Variants in PPP2R5E observed in about 807,000 individuals in gnomAD.
PPP2R5E encodes the protein serine/threonine-protein phosphatase 2A 56 kDa regulatory subunit epsilon isoform.
A neutral mutation model predicts 65.3 loss-of-function variants in PPP2R5E; 4 were observed. The observed-to-expected ratio is 0.06, with a 90% CI of 0.03 to 0.14. The LOEUF (loss-of-function observed/expected upper bound fraction) is 0.14, where lower values mean the gene tolerates loss of function less well. Among genes scored for constraint, PPP2R5E ranks in the 10% least tolerant of loss-of-function variants. The pLI is 1.00. For missense variants in PPP2R5E, 274 were observed against 556.1 expected, an observed-to-expected ratio of 0.49 and a Z score of 5.10; for synonymous variants, 183 against 187.4, an observed-to-expected ratio of 0.98 and a Z score of 0.19.
chr14:63,523,367 A>C (rs1041249645), intron 2 of PPP2R5E, among the ~76,000 whole-genome samples: 1 of 152,166 alleles, frequency 6.6e-6, no homozygotes, highest in Non-Finnish European at 1.5e-5. Context: ...TGTACTAAGA[A>C]AAATTCTTCT....
intron 3 of PPP2R5E, among the ~76,000 whole-genome samples, chr14:63,436,558 C>A (rs193148666): frequency 1.0e-3 from 154 of 152,284 alleles, no homozygotes; most frequent in African/African-American, 3.5e-3. Context: ...TAACCATAAC[C>A]ATATAACCAT....
chr14:63,414,921 T>C (rs1886615654), intron 5 of PPP2R5E, among the ~76,000 whole-genome samples: 1 of 152,194 alleles, frequency 6.6e-6, no homozygotes, highest in Non-Finnish European at 1.5e-5. Flanking sequence ...TTAGCATTCC[T>C]GGCTATTTAA....
chr14:63,440,325 A>G (rs1211285008), intron 3 of PPP2R5E, among the ~76,000 whole-genome samples: 1 of 152,122 alleles, frequency 6.6e-6, no homozygotes, highest in African/African-American at 2.4e-5. Flanking sequence ...AGCGTTAACA[A>G]TTCAAGAATA....
At chr14:63,537,439 C>A (rs1249476684) in intron 2 of PPP2R5E, among the ~76,000 whole-genome samples, 1 of 152,130 alleles carries the variant, frequency 6.6e-6, no homozygotes, top group African/African-American at 2.4e-5. Flanking sequence ...TTTTTACCAG[C>A]AAAATCTCTA....
intron 3 of PPP2R5E, among the ~76,000 whole-genome samples, chr14:63,430,890 T>A (rs941290974): frequency 6.6e-6 from 1 of 152,222 alleles, no homozygotes; most frequent in African/African-American, 2.4e-5. Flanking sequence ...AGTCTTTTTT[T>A]AAACCTTGTC....
chr14:63,397,130 T>C (rs1310524110), intron 5 of PPP2R5E, among the ~76,000 whole-genome samples: 2 of 152,182 alleles, frequency 1.3e-5, no homozygotes, highest in Admixed American at 1.3e-4. Flanking sequence ...AGCTAGAATT[T>C]GAACCCCAGC....
rs59233099 is a variant in PPP2R5E, at chr14:63,414,684, C to T, written c.549+456G>A. ...AATGTTAAGCTATGCTATTTTCTAG[C>T]AGTGAAATCTCATCAGTACCCTGAC... is the stretch of plus-strand genomic sequence containing the variant. On this transcript the variant is annotated intron_variant, in intron 5 of 13. Transcript: ENST00000337537. 2.9e-3 allele frequency among the ~76,000 whole-genome samples: 444 copies of T among 152,248 alleles called. 1 individual carries two copies. Among genetic ancestry groups the T allele is most frequent in the African/African-American group, 0.01 (418 of 41,544 alleles).
chr14:63,523,147 G>A (rs952613960), intron 2 of PPP2R5E, among the ~76,000 whole-genome samples: 74 of 150,208 alleles, frequency 4.9e-4, no homozygotes, highest in African/African-American at 1.5e-3. Flanking sequence ...GCCTCTGCCC[G>A]GCCGCCCCTA....
intron 2 of PPP2R5E, among the ~76,000 whole-genome samples, chr14:63,493,210 G>GT (rs398057162): frequency 0.034 from 4,849 of 143,496 alleles, 251 homozygotes; most frequent in African/African-American, 0.11. Context: ...TTGGTGGGTT[G>GT]TTTTTTTTTT....
At chr14:63,383,421 A>T (rs1358553594) in intron 12 of PPP2R5E, among the ~76,000 whole-genome samples, 3 of 152,176 alleles carry the variant, frequency 2.0e-5, no homozygotes, top group African/African-American at 7.2e-5. Flanking sequence ...AAGGTTCCAG[A>T]ATGACCTTCC....
intron 4 of PPP2R5E, among the ~76,000 whole-genome samples, chr14:63,415,660 A>C (rs916627074): frequency 6.6e-6 from 1 of 152,180 alleles, no homozygotes; most frequent in African/African-American, 2.4e-5. Context: ...TTTACCATTT[A>C]AACAATGTAT....
At chr14:63,382,207 G>T (rs1399129364) in intron 12 of PPP2R5E, 50 bp from the exon 13 acceptor site, 4 of 1,424,470 alleles carry the variant, frequency 2.8e-6, no homozygotes, top group Non-Finnish European at 3.9e-6. Context: ...TATAAAATGG[G>T]ATACTGAATG....
At chr14:63,500,621 C>T (rs974607027) in intron 2 of PPP2R5E, among the ~76,000 whole-genome samples, 16 of 152,050 alleles carry the variant, frequency 1.1e-4, no homozygotes, top group Admixed American at 2.6e-4. Context: ...TGGGAGGCCA[C>T]GGCAAGAGGA....
intron 2 of PPP2R5E, among the ~76,000 whole-genome samples, chr14:63,470,462 T>TAA (rs768569021): frequency 4.4e-5 from 6 of 135,956 alleles, no homozygotes; most frequent in Admixed American, 7.4e-5. Flanking sequence ...TCCATAAGTT[T>TAA]AAAAAAAAAA....
chr14:63,384,597 TAA>T (rs1162451791), intron 11 of PPP2R5E, 26 bp from the exon 12 acceptor site: 6 of 1,561,740 alleles, frequency 3.8e-6, no homozygotes, highest in Non-Finnish European at 4.3e-6. Context: ...AATAAAATGT[TAA>T]GAGAGAGAAA....
chr14:63,389,831 T>C, intron 10 of PPP2R5E, 100 bp from the exon 11 acceptor site: 1 of 1,290,320 alleles, frequency 7.8e-7, no homozygotes, highest in Non-Finnish European at 1.0e-6. Context: ...TTAAGAAAAA[T>C]TTACACATAA....
chr14:63,409,273 G>A (rs995028077), intron 5 of PPP2R5E, among the ~76,000 whole-genome samples: 3 of 151,608 alleles, frequency 2.0e-5, no homozygotes, highest in African/African-American at 7.3e-5. Context: ...TGAGTTTGGT[G>A]GTGCACGTCT....
intron 4 of PPP2R5E, among the ~76,000 whole-genome samples, chr14:63,415,631 TAC>T (rs989825654): frequency 3.0e-4 from 46 of 152,318 alleles, no homozygotes; most frequent in African/African-American, 9.4e-4. Flanking sequence ...AATATATTTT[TAC>T]AGTTTCACAG....
At chr14:63,413,871 T>G (rs892330838) in intron 5 of PPP2R5E, among the ~76,000 whole-genome samples, 1 of 152,192 alleles carries the variant, frequency 6.6e-6, no homozygotes, top group African/African-American at 2.4e-5. Flanking sequence ...GATTCACCAG[T>G]GTGGTACCAA....
Sources: gnomAD v4.1 joint callset for allele counts (sites outside exome capture counted in the v4.1 genomes callset) on GRCh38, gnomAD v4.1.1 for gene constraint, MANE v1.5 for transcripts, NCBI Gene and HGNC (gene_info 2026-07-23, HGNC 2026-07-21) for gene names.